Variants in SEL1L3 observed in about 807,000 individuals in gnomAD.
SEL1L3 encodes SEL1L family member 3.
A neutral mutation model predicts 142.8 loss-of-function variants in SEL1L3; 76 were observed. The ratio of observed to expected loss-of-function variants is 0.53; its 90% CI spans 0.44 to 0.64. SEL1L3 has a LOEUF of 0.64. Among genes scored for constraint, SEL1L3 ranks in the 30% least tolerant of loss-of-function variants. SEL1L3 has a pLI of 0.00. For missense variants in SEL1L3, 1,262 were observed against 1,381.7 expected, an observed-to-expected ratio of 0.91 and a Z score of 1.37; for synonymous variants, 504 against 519.6, an observed-to-expected ratio of 0.97 and a Z score of 0.41.
chr4:25,760,239 A>G (rs1402994791), intron 20 of SEL1L3, among the ~76,000 whole-genome samples: 2 of 152,194 alleles, frequency 1.3e-5, no homozygotes, highest in Non-Finnish European at 2.9e-5. Context: ...TGTTCCTGCA[A>G]ACGACATGAT....
chr4:25,787,186 C>T (rs1208714049), intron 13 of SEL1L3, among the ~76,000 whole-genome samples: 6 of 152,242 alleles, frequency 3.9e-5, no homozygotes, highest in African/African-American at 1.4e-4. Flanking sequence ...CAAAACCTTT[C>T]TCTGTGCCTT....
chr4:25,736,326 C>A, the SEL1L3 span, among the ~76,000 whole-genome samples: 1 of 151,654 alleles, frequency 6.6e-6, no homozygotes, highest in Non-Finnish European at 1.5e-5. Context: ...TGGTTTCAAG[C>A]AATTCTCCTG....
At chr4:25,827,180 G>A (rs1215724188) in intron 6 of SEL1L3, among the ~76,000 whole-genome samples, 2 of 152,034 alleles carry the variant, frequency 1.3e-5, no homozygotes. Flanking sequence ...CATGATTACT[G>A]TTGAGTTAAA....
chr4:25,828,483 T>C (rs1397960688), intron 6 of SEL1L3, among the ~76,000 whole-genome samples: 1 of 150,460 alleles, frequency 6.6e-6, no homozygotes, highest in Non-Finnish European at 1.5e-5. Flanking sequence ...AACTCTCAGG[T>C]TCAAGCAATT....
intron 6 of SEL1L3, among the ~76,000 whole-genome samples, chr4:25,825,231 A>G (rs1715015098): frequency 6.6e-6 from 1 of 152,152 alleles, no homozygotes; most frequent in Admixed American, 6.5e-5. Context: ...GCAATAGGAT[A>G]TATGTCCAGC....
intron 20 of SEL1L3, 83 bp downstream of exon 20, chr4:25,765,243 G>A (rs989869329): frequency 3.4e-6 from 3 of 887,292 alleles, no homozygotes; most frequent in African/African-American, 1.7e-5. Flanking sequence ...ACCCGCCCCC[G>A]TCGGCCTCCC....
intron 9 of SEL1L3, among the ~76,000 whole-genome samples, chr4:25,812,982 A>G (rs1273267228): frequency 6.6e-6 from 1 of 152,244 alleles, no homozygotes; most frequent in African/African-American, 2.4e-5. Flanking sequence ...ACTGCACTCC[A>G]GCCTGGGCGA....
intron 19 of SEL1L3, among the ~76,000 whole-genome samples, chr4:25,765,758 C>T (rs913160545): frequency 6.6e-6 from 1 of 152,142 alleles, no homozygotes; most frequent in African/African-American, 2.4e-5. Context: ...TCCACCTCAG[C>T]CTCCCATGTA....
chr4:25,733,897 C>T, the SEL1L3 span, among the ~76,000 whole-genome samples: 1 of 152,154 alleles, frequency 6.6e-6, no homozygotes, highest in African/African-American at 2.4e-5. Flanking sequence ...TGTTCCAAAT[C>T]TTAGGGAGGA....
At chr4:25,834,707 C>T (rs1715677927) in intron 3 of SEL1L3, among the ~76,000 whole-genome samples, 1 of 152,230 alleles carries the variant, frequency 6.6e-6, no homozygotes, top group Non-Finnish European at 1.5e-5. Flanking sequence ...TTAAATCACT[C>T]TGCTAAATCC....
At chr4:25,845,083 G>T (rs988033668) in intron 2 of SEL1L3, among the ~76,000 whole-genome samples, 2 of 152,200 alleles carry the variant, frequency 1.3e-5, no homozygotes, top group African/African-American at 4.8e-5. Context: ...TCTGAGTAAG[G>T]TCTGGAGTCC....
rs574169454 is a variant in SEL1L3 at position 25,757,160 on chromosome 4, C to T, written c.3259+374G>A. On this transcript the variant is annotated intron_variant, in intron 23 of 23. Transcript: ENST00000399878. ...GCGCACACCTGTAGTCCCAGCTACT[C>T]GGGAGGGTGAGACAGGAGAATTGCT... 5.3e-5 allele frequency among the ~76,000 whole-genome samples: 8 copies of T among 151,584 alleles called. No homozygotes were observed. In the East Asian group the frequency reaches 1.4e-3, roughly 26 times the overall value.
intron 7 of SEL1L3, 61 bp downstream of exon 7, chr4:25,821,935 C>G (rs558586902): frequency 6.4e-7 from 1 of 1,558,706 alleles, no homozygotes; most frequent in Non-Finnish European, 8.7e-7. Context: ...GGGTGGCACA[C>G]CCCTGAGGCC....
the SEL1L3 span, among the ~76,000 whole-genome samples, chr4:25,740,799 T>C: frequency 6.6e-6 from 1 of 152,210 alleles, no homozygotes; most frequent in African/African-American, 2.4e-5. Context: ...TTCTTTTTTT[T>C]CCTGAGATAA....
intron 17 of SEL1L3, chr4:25,770,351 C>T (rs6448402): frequency 0.58 from 88,272 of 151,978 alleles, 27,418 homozygotes; most frequent in African/African-American, 0.81. Context: ...GGAAGTGTTA[C>T]AGAATTCTCA....
intron 6 of SEL1L3, among the ~76,000 whole-genome samples, chr4:25,828,525 C>T (rs1715237306): frequency 6.6e-6 from 1 of 151,260 alleles, no homozygotes; most frequent in Non-Finnish European, 1.5e-5. Context: ...GCTGGGATTA[C>T]AGGTGCGCAC....
chr4:25,804,782 A>G (rs1386113235), intron 9 of SEL1L3, 30 bp from the exon 10 acceptor site: 1 of 1,457,360 alleles, frequency 6.9e-7, no homozygotes, highest in Non-Finnish European at 9.6e-7. Flanking sequence ...GAGCACACAC[A>G]ATTAATTACC....
chr4:25,815,962 C>T (rs1714363962), intron 9 of SEL1L3, among the ~76,000 whole-genome samples: 1 of 151,088 alleles, frequency 6.6e-6, no homozygotes, highest in African/African-American at 2.4e-5. Context: ...AAAAATTCTA[C>T]AGTCCAAAAT....
At chr4:25,746,900 A>G (rs1174301617), downstream of SEL1L3, among the ~76,000 whole-genome samples, 1 of 152,092 alleles carries the variant, frequency 6.6e-6, no homozygotes, top group African/African-American at 2.4e-5. Flanking sequence ...GGCTTTACAT[A>G]TATTATCTCG....
Sources: gnomAD v4.1 joint callset for allele counts (sites outside exome capture counted in the v4.1 genomes callset) on GRCh38, gnomAD v4.1.1 for gene constraint, MANE v1.5 for transcripts, NCBI Gene and HGNC (gene_info 2026-07-23, HGNC 2026-07-21) for gene names.